The following RAD54B variants were observed in gnomAD, a reference collection of about 807,000 sequenced individuals.
RAD54B encodes the protein RAD54 homolog B, also known as DNA repair and recombination protein RAD54B.
RAD54B carries 78 observed loss-of-function variants against 95.8 expected under a neutral mutation model. The ratio of observed to expected loss-of-function variants is 0.81; its 90% confidence interval spans 0.68 to 0.98. The LOEUF (loss-of-function observed/expected upper bound fraction) is 0.98, where lower values mean the gene tolerates loss of function less well. Among genes scored for constraint, RAD54B ranks in the 50% least tolerant of loss-of-function variants. RAD54B has a pLI of 0.00. For missense variants in RAD54B, 957 were observed against 1,056.6 expected (o/e 0.91, Z 1.31); for synonymous variants, 328 against 354.9 (o/e 0.92, Z 0.85).
chr8:94,420,685 A>T (rs576855376), intron 3 of RAD54B, among the ~76,000 whole-genome samples: 279 of 53,620 alleles, frequency 5.2e-3, no homozygotes, highest in Middle Eastern at 9.8e-3. Context: ...ACACATACAT[A>T]AAAAAAAAGA....
chr8:94,380,049 A>G, intron 12 of RAD54B, 96 bp downstream of exon 12: 1 of 1,346,106 alleles, frequency 7.4e-7, no homozygotes, highest in Non-Finnish European at 1.0e-6. Context: ...CTCTTTATGC[A>G]GTGGATATTA....
chr8:94,431,217 T>C, intron 3 of RAD54B: 2 of 944,238 alleles, frequency 2.1e-6, no homozygotes, highest in Non-Finnish European at 2.5e-6. Context: ...ATTTTAATTT[T>C]GTTCATTCTG....
intron 3 of RAD54B, among the ~76,000 whole-genome samples, chr8:94,422,617 A>AAATAT (rs1554606249): frequency 3.2e-4 from 14 of 43,576 alleles, no homozygotes; most frequent in Non-Finnish European, 4.3e-4. Flanking sequence ...AAAAAAAAAA[A>AAATAT]ATATATATAT....
At chr8:94,394,311 G>A (rs1811093527) in intron 8 of RAD54B, among the ~76,000 whole-genome samples, 1 of 152,146 alleles carries the variant, frequency 6.6e-6, no homozygotes, top group Admixed American at 6.5e-5. Context: ...TTTGAATGGT[G>A]CCTACAGCAT....
At chr8:94,375,405 C>A (rs889020727) in intron 14 of RAD54B, among the ~76,000 whole-genome samples, 1 of 152,080 alleles carries the variant, frequency 6.6e-6, no homozygotes, top group Non-Finnish European at 1.5e-5. Context: ...ATGAATGGGT[C>A]TCACGAGATC....
chr8:94,461,122 A>G (rs1405752071), intron 2 of RAD54B, among the ~76,000 whole-genome samples: 5 of 148,918 alleles, frequency 3.4e-5, no homozygotes, highest in Non-Finnish European at 7.4e-5. Flanking sequence ...GAAACTCACA[A>G]TAATAGGCAA....
chr8:94,390,618 T>C (rs1810996397), intron 10 of RAD54B, among the ~76,000 whole-genome samples: 1 of 147,850 alleles, frequency 6.8e-6, no homozygotes, highest in East Asian at 2.0e-4. Flanking sequence ...CATATATACA[T>C]ATATATCTGA....
At chr8:94,459,227 A>G (rs1812845582) in intron 2 of RAD54B, among the ~76,000 whole-genome samples, 1 of 151,806 alleles carries the variant, frequency 6.6e-6, no homozygotes, top group East Asian at 2.0e-4. Context: ...ACCATAGCTC[A>G]TTGCAGCCTT....
At chr8:94,442,379 T>C (rs1318887823) in intron 3 of RAD54B, among the ~76,000 whole-genome samples, 4 of 152,060 alleles carry the variant, frequency 2.6e-5, no homozygotes, top group Non-Finnish European at 5.9e-5. Context: ...AAGACCATCC[T>C]GGCTAACATG....
chr8:94,375,828 A>G (rs769681993), intron 14 of RAD54B, among the ~76,000 whole-genome samples: 1 of 152,174 alleles, frequency 6.6e-6, no homozygotes, highest in Non-Finnish European at 1.5e-5. Flanking sequence ...ATATATGCAT[A>G]CATATATATC....
chr8:94,430,106 G>A, intron 3 of RAD54B: 10 of 802,146 alleles, frequency 1.2e-5, no homozygotes, highest in Non-Finnish European at 1.5e-5. Flanking sequence ...GAGGTCAGGA[G>A]ATCAAGACCA....
rs182087749 is a variant in RAD54B, at chr8:94,393,264, C to G, written c.1518+479G>C. ...AAGTTGTGCCAACGTACATTCCAAC[C>G]AACAATTTACATTCCAAATAGGAGA... On this transcript the variant is annotated intron_variant, in intron 9 of 14. Transcript: ENST00000336148. Among the ~76,000 whole-genome samples the G allele has an allele frequency of 3.4e-3, 516 of 152,172 alleles. 4 individuals are homozygous for G. Among genetic ancestry groups the G allele is most frequent in the Non-Finnish European group, 6.3e-3 (427 of 68,020 alleles).
intron 3 of RAD54B, among the ~76,000 whole-genome samples, chr8:94,439,394 A>G (rs908620779): frequency 1.3e-5 from 2 of 152,172 alleles, no homozygotes; most frequent in African/African-American, 4.8e-5. Flanking sequence ...ATCATGGTCT[A>G]CTCCAGGCAG....
intron 11 of RAD54B, among the ~76,000 whole-genome samples, chr8:94,382,231 T>A (rs1810761935): frequency 6.6e-6 from 1 of 152,010 alleles, no homozygotes; most frequent in South Asian, 2.1e-4. Flanking sequence ...TTAAGGTATA[T>A]CAAGATTATA....
intron 9 of RAD54B, among the ~76,000 whole-genome samples, chr8:94,393,262 A>G (rs149208427): frequency 6.6e-6 from 1 of 152,282 alleles, no homozygotes; most frequent in African/African-American, 2.4e-5. Flanking sequence ...GTACATTCCA[A>G]CCAACAATTT....
At chr8:94,444,427 T>G (rs1586028477) in intron 3 of RAD54B, among the ~76,000 whole-genome samples, 1 of 120,952 alleles carries the variant, frequency 8.3e-6, no homozygotes. Context: ...AAAAAAAAAC[T>G]AAAACTAAAA....
intron 8 of RAD54B, among the ~76,000 whole-genome samples, chr8:94,396,237 AC>A (rs1378099474): frequency 6.6e-6 from 1 of 150,908 alleles, no homozygotes; most frequent in Non-Finnish European, 1.5e-5. Flanking sequence ...CTAATTCTAG[AC>A]TAGGTAAAAC....
intron 3 of RAD54B, among the ~76,000 whole-genome samples, chr8:94,415,886 G>A (rs1010668646): frequency 5.3e-5 from 8 of 152,078 alleles, no homozygotes; most frequent in African/African-American, 1.9e-4. Context: ...TGGAGAGGAT[G>A]TGGAGAAATA....
chr8:94,417,495 A>G (rs1811704099), intron 3 of RAD54B, among the ~76,000 whole-genome samples: 2 of 146,700 alleles, frequency 1.4e-5, no homozygotes, highest in Admixed American at 1.4e-4. Flanking sequence ...AAAAAAAAAA[A>G]CTGACCACAG....
Sources: gnomAD v4.1 joint callset for allele counts (sites outside exome capture counted in the v4.1 genomes callset) on GRCh38, gnomAD v4.1.1 for gene constraint, MANE v1.5 for transcripts, NCBI Gene and HGNC (gene_info 2026-07-23, HGNC 2026-07-21) for gene names.